Variants in ADGRG2 observed in about 807,000 individuals in gnomAD.
The protein encoded by ADGRG2 is G protein-coupled receptor 64.
ADGRG2 carries 26 observed loss-of-function variants against 74.1 expected under a neutral mutation model. The observed-to-expected ratio is 0.35, with a 90% CI of 0.26 to 0.49. The LOEUF (loss-of-function observed/expected upper bound fraction) is 0.49, where lower values mean the gene tolerates loss of function less well. ADGRG2 is among the 20% of genes least tolerant of loss of function. The pLI is 0.99. For synonymous variants in ADGRG2, 296 were observed against 295.2 expected (o/e 1.00, Z -0.03); for missense variants, 619 against 763.1 (o/e 0.81, Z 2.22).
intron 17 of ADGRG2, among the ~76,000 whole-genome samples, 173 bp from the exon 18 acceptor site, chrX:19,009,955 T>C (rs747993023): frequency 1.8e-5 from 2 of 109,946 alleles, no homozygotes; most frequent in East Asian, 5.8e-4. Context: ...GGACTACAGA[T>C]GCACACCACC....
At chrX:19,053,727 C>T (rs2061365279) in intron 3 of ADGRG2, among the ~76,000 whole-genome samples, 1 of 111,744 alleles carries the variant, frequency 8.9e-6, no homozygotes, top group Non-Finnish European at 1.9e-5. Context: ...TGTATTAGTC[C>T]GTTTTCACGC....
intron 2 of ADGRG2, among the ~76,000 whole-genome samples, chrX:19,071,022 G>A (rs991241297): frequency 9.0e-5 from 10 of 111,416 alleles, no homozygotes; most frequent in African/African-American, 3.3e-4. Context: ...TTTGCACCTA[G>A]TATGTGCAGG....
At chrX:19,049,455 T>TTTTTTTTTTTTTTTTTTTTTTTG (rs1328733136) in intron 3 of ADGRG2, among the ~76,000 whole-genome samples, 12 of 90,966 alleles carry the variant, frequency 1.3e-4, no homozygotes, top group African/African-American at 4.3e-4. Flanking sequence ...TTTTTTTTTT[T>TTTTTTTTTTTTTTTTTTTTTTTG]TTGTTGTTGT....
chrX:19,024,983 C>T (rs1242492290), intron 11 of ADGRG2, among the ~76,000 whole-genome samples: 1 of 111,681 alleles, frequency 9.0e-6, no homozygotes, highest in Non-Finnish European at 1.9e-5. Context: ...CCATGTTACC[C>T]AGGCTGGTCT....
intron 2 of ADGRG2, among the ~76,000 whole-genome samples, chrX:19,077,182 A>G (rs1018354904): frequency 1.8e-5 from 2 of 110,896 alleles, no homozygotes; most frequent in Admixed American, 9.6e-5. Flanking sequence ...GGTTAGGAAA[A>G]ATAGAAAGTA....
At chrX:19,003,202 T>A in intron 23 of ADGRG2, 88 bp from the exon 24 acceptor site, 1 of 681,690 alleles carries the variant, frequency 1.5e-6, no homozygotes. Flanking sequence ...TCTGGCTCTG[T>A]CACCCAGGCT....
chrX:19,016,948 C>T (rs1191790607), intron 15 of ADGRG2, among the ~76,000 whole-genome samples: 2 of 110,306 alleles, frequency 1.8e-5, no homozygotes, highest in Admixed American at 9.7e-5. Context: ...TGGCTGGTCG[C>T]GAACTCCTGG....
Position 19,068,699 on chromosome X carries a change from G to GAAA in ADGRG2, c.118+15_118+17dup. ...GATAAACAGAAAAAAAAAAAATGAA[G>GAAA]AAAAACAGACACATTACCTTCCAGG... is the stretch of plus-strand genomic sequence containing the variant. On this transcript the variant is annotated intron_variant, in intron 3 of 28. Coordinates refer to ENST00000379869, the MANE Select transcript of ADGRG2 (RefSeq NM_001079858.3). The GAAA allele has an allele frequency of 1.4e-6, 1 of 706,774 alleles. No homozygotes were observed. The highest frequency in any genetic ancestry group is 2.3e-5 in the African/African-American group (1 of 44,271). 58.2% of individuals were successfully genotyped at this position (706,774 alleles called of 1,213,427 possible).
chrX:19,026,196 T>C (rs2060697317), intron 11 of ADGRG2, among the ~76,000 whole-genome samples: 1 of 112,436 alleles, frequency 8.9e-6, no homozygotes, highest in African/African-American at 3.2e-5. Context: ...AAAAGCTAAT[T>C]TGAAAGATGA....
chrX:19,010,530 A>T, intron 17 of ADGRG2, 83 bp downstream of exon 17: 1 of 792,165 alleles, frequency 1.3e-6, no homozygotes, highest in Non-Finnish European at 1.8e-6. Context: ...GGAGTAAAAG[A>T]CTTGGTGATA....
At chrX:19,081,255 G>A (rs1281969357) in intron 2 of ADGRG2, among the ~76,000 whole-genome samples, 1 of 111,732 alleles carries the variant, frequency 8.9e-6, no homozygotes, top group Non-Finnish European at 1.9e-5. Flanking sequence ...GCAGGCACTC[G>A]ACAAAGATTT....
intron 1 of ADGRG2, among the ~76,000 whole-genome samples, chrX:19,093,616 A>G (rs1187151325): frequency 9.0e-6 from 1 of 111,454 alleles, no homozygotes; most frequent in Non-Finnish European, 1.9e-5. Flanking sequence ...ACGGTGACCT[A>G]GAGTCTATTA....
intron 3 of ADGRG2, among the ~76,000 whole-genome samples, chrX:19,051,160 C>T (rs765901743): frequency 4.9e-4 from 55 of 111,974 alleles, no homozygotes; most frequent in African/African-American, 1.8e-3. Context: ...CTGCAAGCTC[C>T]GCCTTCCTGG....
chrX:19,001,863 G>A (rs892228418), intron 24 of ADGRG2, among the ~76,000 whole-genome samples: 5 of 111,101 alleles, frequency 4.5e-5, no homozygotes, highest in Non-Finnish European at 7.5e-5. Context: ...GAATTGGGGG[G>A]ATATCACATC....
intron 1 of ADGRG2, among the ~76,000 whole-genome samples, chrX:19,090,070 C>T (rs2061993784): frequency 9.0e-6 from 1 of 111,305 alleles, no homozygotes; most frequent in African/African-American, 3.3e-5. Context: ...AGGGAAGGGC[C>T]CATTATGTAT....
At chrX:19,048,641 C>A (rs12010553) in intron 3 of ADGRG2, among the ~76,000 whole-genome samples, 1,701 of 111,891 alleles carry the variant, frequency 0.015, 35 homozygotes, top group African/African-American at 0.053. Flanking sequence ...AATTAACTTT[C>A]TGACCAGTAG....
At chrX:19,022,264 CAA>C (rs112588928) in intron 13 of ADGRG2, among the ~76,000 whole-genome samples, 19,719 of 94,014 alleles carry the variant, frequency 0.21, 1,885 homozygotes, top group East Asian at 0.37. Context: ...GACTCCATCT[CAA>C]AAAAAAAAAA....
At chrX:19,089,240 C>T (rs1186390525) in intron 1 of ADGRG2, among the ~76,000 whole-genome samples, 1 of 111,236 alleles carries the variant, frequency 9.0e-6, no homozygotes, top group African/African-American at 3.3e-5. Flanking sequence ...GTTTCTAGCC[C>T]CTCCCTTTTG....
intron 28 of ADGRG2, among the ~76,000 whole-genome samples, chrX:18,994,344 C>A (rs2059977030): frequency 9.0e-6 from 1 of 110,726 alleles, no homozygotes; most frequent in Non-Finnish European, 1.9e-5. Flanking sequence ...CAAAAATTAG[C>A]TGGGCATCGT....
Sources: gnomAD v4.1 joint callset for allele counts (sites outside exome capture counted in the v4.1 genomes callset) on GRCh38, gnomAD v4.1.1 for gene constraint, MANE v1.5 for transcripts, NCBI Gene and HGNC (gene_info 2026-07-23, HGNC 2026-07-21) for gene names.